The following SUSD1 variants were observed in gnomAD, a reference collection of about 807,000 sequenced individuals.
SUSD1 encodes the protein sushi domain-containing protein 1.
In SUSD1, 65 loss-of-function variants were observed where a neutral mutation model predicts 86.9. The observed-to-expected ratio is 0.75, with a 90% CI of 0.61 to 0.92. SUSD1 has a LOEUF of 0.92. SUSD1 is among the 40% of genes least tolerant of loss of function. SUSD1 has a pLI of 0.00. For missense variants in SUSD1, 850 were observed against 929.7 expected (o/e 0.91, Z 1.11); for synonymous variants, 346 against 350.0 (o/e 0.99, Z 0.13).
At chr9:112,077,283 AGGAACGGCAGG>A (rs1248243178) in intron 12 of SUSD1, among the ~76,000 whole-genome samples, 2 of 152,080 alleles carry the variant, frequency 1.3e-5, no homozygotes, top group African/African-American at 4.8e-5. Flanking sequence ...GGATGCAAGG[AGGAACGGCAGG>A]GCTGAGCGTG....
intron 13 of SUSD1, among the ~76,000 whole-genome samples, chr9:112,059,038 C>T (rs1828588267): frequency 2.0e-5 from 3 of 152,170 alleles, no homozygotes; most frequent in African/African-American, 7.2e-5. Context: ...ATGATCCACC[C>T]GCCTCGGCCT....
Position 112,058,526 on chromosome 9 carries a change from TA to T in SUSD1, c.2010del (p.Ile671Ter), listed in dbSNP as rs1379838319. 6.2e-7 allele frequency: 1 copy of T among 1,614,172 alleles called. No individual in the cohort carries two copies. The highest frequency in any genetic ancestry group is 2.2e-5 in the East Asian group (1 of 44,884). ...KDVPDDAMEI[P>X]IGDRLYYGEY... is the part of the protein sequence containing the mutation. ...TCCCCATAGTACAGCCTGTCTCCTATAGGTATCTCCATGGCATCATCTGGAA... is the reference window on the plus strand; with the variant it reads ...TCCCCATAGTACAGCCTGTCTCCTATGGTATCTCCATGGCATCATCTGGAA... On this transcript the variant is annotated frameshift_variant, in exon 14 of 17. Coordinates refer to ENST00000374270, the MANE Select transcript of SUSD1 (RefSeq NM_022486.5). LOFTEE classifies it high-confidence loss of function.
intron 3 of SUSD1, among the ~76,000 whole-genome samples, chr9:112,148,483 C>CGG (rs1554773178): frequency 6.6e-6 from 1 of 152,098 alleles, no homozygotes; most frequent in Non-Finnish European, 1.5e-5. Flanking sequence ...AGCCAACAGC[C>CGG]GGGTGCCAGC....
chr9:112,164,070 T>C (rs751180855), intron 1 of SUSD1, among the ~76,000 whole-genome samples: 26 of 152,058 alleles, frequency 1.7e-4, no homozygotes, highest in Non-Finnish European at 3.1e-4. Flanking sequence ...TTCATGTAAC[T>C]ATTGAGTAAA....
intron 1 of SUSD1, among the ~76,000 whole-genome samples, chr9:112,166,806 T>C (rs766064461): frequency 1.1e-4 from 17 of 152,084 alleles, no homozygotes; most frequent in Admixed American, 2.0e-4. Context: ...ACCGAGGGAA[T>C]GACTGCAGAG....
chr9:112,095,451 A>C (rs1830357061), intron 10 of SUSD1, among the ~76,000 whole-genome samples: 1 of 152,218 alleles, frequency 6.6e-6, no homozygotes. Context: ...GTTTCCATCA[A>C]AGAAGCACCG....
At chr9:112,076,422 T>A (rs1014900449) in intron 12 of SUSD1, among the ~76,000 whole-genome samples, 1 of 152,186 alleles carries the variant, frequency 6.6e-6, no homozygotes, top group Non-Finnish European at 1.5e-5. Flanking sequence ...TTAGGACTTG[T>A]TTTTGGTCTG....
At chr9:112,165,972 A>AGAAAGAAAGAAAG (rs1491191938) in intron 1 of SUSD1, among the ~76,000 whole-genome samples, 1 of 151,652 alleles carries the variant, frequency 6.6e-6, no homozygotes, top group Non-Finnish European at 1.5e-5. Flanking sequence ...AAAGAAAGAA[A>AGAAAGAAAGAAAG]GAAAGAAAGA....
chr9:112,103,925 G>T (rs1830727516), intron 8 of SUSD1, among the ~76,000 whole-genome samples: 1 of 152,256 alleles, frequency 6.6e-6, no homozygotes, highest in African/African-American at 2.4e-5. Context: ...GCTCCATCTG[G>T]AGCCATTTAG....
chr9:112,149,291 G>T lies in SUSD1; in HGVS notation c.326C>A (p.Thr109Lys), dbSNP rs1280989792. The T allele has an allele frequency of 6.2e-7, 1 of 1,613,994 alleles. No homozygotes were observed. Among genetic ancestry groups the T allele is most frequent in the Non-Finnish European group, 8.5e-7 (1 of 1,180,032 alleles). ...GGGAATGAATGTCTTGTTGTTGTTTGTGGCTCGATATCCTTCCAGGCAAAT... is the reference window on the plus strand; with the variant it reads ...GGGAATGAATGTCTTGTTGTTGTTTTTGGCTCGATATCCTTCCAGGCAAAT... Reference protein sequence around the residue: ...YCICLEGYRATNNNKTFIPND... With the variant: ...YCICLEGYRAKNNNKTFIPND... The change falls in exon 3 of 17, where the codon ACA becomes AAA. Residue 109 changes from threonine (T) to lysine (K), a missense_variant. Physicochemically the swap from Thr to Lys is moderately conservative, Grantham distance 78 (BLOSUM62 -1). Transcript: ENST00000374270.
intron 2 of SUSD1, among the ~76,000 whole-genome samples, chr9:112,155,541 C>A (rs73538224): frequency 0.02 from 3,104 of 152,166 alleles, 107 homozygotes; most frequent in African/African-American, 0.071. Flanking sequence ...CTTGTGTCTG[C>A]AAAGTGAAAG....
At chr9:112,079,179 GA>G (rs1242442457) in intron 11 of SUSD1, among the ~76,000 whole-genome samples, 1 of 151,916 alleles carries the variant, frequency 6.6e-6, no homozygotes, top group African/African-American at 2.4e-5. Flanking sequence ...TTCAAAAGGT[GA>G]AATGCAGCAG....
chr9:112,097,846 C>T (rs751323729), intron 10 of SUSD1, among the ~76,000 whole-genome samples: 5 of 152,034 alleles, frequency 3.3e-5, no homozygotes, highest in Non-Finnish European at 5.9e-5. Flanking sequence ...TCTGGTTGCC[C>T]GTAAATTTGT....
chr9:112,073,125 A>G (rs1238069006), intron 12 of SUSD1, among the ~76,000 whole-genome samples: 1 of 152,186 alleles, frequency 6.6e-6, no homozygotes, highest in Non-Finnish European at 1.5e-5. Context: ...GGCAGGGAGG[A>G]TCAGGGCAGT....
chr9:112,088,883 G>T lies in SUSD1; in HGVS notation c.1475-8718C>A, dbSNP rs568135322. On this transcript the variant is annotated intron_variant, in intron 10 of 16. Coordinates refer to ENST00000374270, the MANE Select transcript of SUSD1 (RefSeq NM_022486.5). Reference sequence around the variant, plus strand: ...CACTTTGGGAGGCCAAAGGTGGGAGGATCACTTGAGGTCAGGAGTTTGAGA... The same window carrying T: ...CACTTTGGGAGGCCAAAGGTGGGAGTATCACTTGAGGTCAGGAGTTTGAGA... Among the ~76,000 whole-genome samples the T allele has an allele frequency of 2.0e-5, 3 of 152,304 alleles. No individual in the cohort carries two copies. The East Asian group carries it at 5.8e-4, about 29-fold the overall frequency.
At chr9:112,132,795 G>A (rs1832086780) in intron 5 of SUSD1, among the ~76,000 whole-genome samples, 2 of 152,220 alleles carry the variant, frequency 1.3e-5, no homozygotes, top group South Asian at 4.1e-4. Flanking sequence ...CTTTGTGATG[G>A]TCTAAGGAAC....
chr9:112,138,541 C>T (rs1017486644), intron 5 of SUSD1, among the ~76,000 whole-genome samples: 2 of 151,210 alleles, frequency 1.3e-5, no homozygotes, highest in Admixed American at 1.3e-4. Flanking sequence ...TCACAGCAAC[C>T]TCCACCTCCC....
intron 5 of SUSD1, among the ~76,000 whole-genome samples, chr9:112,126,240 A>G (rs1831767060): frequency 6.6e-6 from 1 of 152,164 alleles, no homozygotes; most frequent in Admixed American, 6.5e-5. Context: ...AAGAGGTTGG[A>G]GGTATAGATT....
chr9:112,115,788 G>A lies in SUSD1; in HGVS notation c.887-2920C>T, dbSNP rs150893407. On this transcript the variant is annotated intron_variant, in intron 6 of 16. Coordinates refer to ENST00000374270, the MANE Select transcript of SUSD1 (RefSeq NM_022486.5). The stretch of plus-strand genomic sequence containing the variant: ...TGTGCCACTGCACTGCAGCCTGGGC[G>A]GCAGAATGAGACTCCATTGCAAAAA... 7.0e-3 allele frequency among the ~76,000 whole-genome samples: 810 copies of A among 115,508 alleles called. 6 individuals are homozygous for A. Among genetic ancestry groups the A allele is most frequent in the Non-Finnish European group, 0.01 (620 of 61,422 alleles). The allele number at this position is 115,508 out of a possible 152,430, so 75.8% of individuals were successfully genotyped here. A position where few individuals can be genotyped will look rare whatever the true frequency, so the allele number is the denominator to read the frequency against.
Sources: allele counts gnomAD v4.1 joint callset (sites outside exome capture counted in the v4.1 genomes callset), GRCh38; gene constraint gnomAD v4.1.1; transcripts MANE v1.5; gene names NCBI Gene and HGNC (gene_info 2026-07-23, HGNC 2026-07-21).